Variants in WWC2 observed in about 807,000 individuals in gnomAD.
WWC2 encodes WW and C2 domain containing 2.
WWC2 carries 101 observed loss-of-function variants against 138.5 expected under a neutral mutation model. The ratio of observed to expected loss-of-function variants is 0.73; its 90% CI spans 0.62 to 0.86. The LOEUF (loss-of-function observed/expected upper bound fraction) is 0.86. Ranked by LOEUF, WWC2 falls within the 40% of genes least tolerant of loss-of-function variation. The pLI is 0.00. For synonymous variants in WWC2, 558 were observed against 538.4 expected (o/e 1.04, Z -0.50); for missense variants, 1,420 against 1,419.4 (o/e 1.00, Z -0.01).
intron 4 of WWC2, chr4:183,233,603 TAAAC>T (rs573536947): frequency 6.6e-6 from 1 of 152,170 alleles, no homozygotes; most frequent in Non-Finnish European, 1.5e-5. Context: ...TTATTATTGT[TAAAC>T]AAAAGATTTA....
intron 1 of WWC2, among the ~76,000 whole-genome samples, chr4:183,191,639 C>A (rs1169387838): frequency 6.6e-6 from 1 of 152,162 alleles, no homozygotes; most frequent in Non-Finnish European, 1.5e-5. Context: ...AGCAGAATTA[C>A]CTGGAAAGCA....
chr4:183,111,802 C>T (rs772347765), intron 1 of WWC2, among the ~76,000 whole-genome samples: 5 of 151,742 alleles, frequency 3.3e-5, no homozygotes, highest in Non-Finnish European at 5.9e-5. Context: ...TCAGGTGATC[C>T]TCCCACCTCA....
At position 183,294,013 on chromosome 4, in the gene WWC2, A is replaced by G. The variant is rs527481996; in HGVS notation, c.3384+4378A>G. On this transcript the variant is annotated intron_variant, in intron 21 of 22. Coordinates refer to ENST00000403733, the MANE Select transcript of WWC2 (RefSeq NM_024949.6). ...ATTAAATATTATATCAAATTATACTATGATATAATGTAATTGTATTATAAT... is the reference window on the plus strand; with the variant it reads ...ATTAAATATTATATCAAATTATACTGTGATATAATGTAATTGTATTATAAT... Among the ~76,000 whole-genome samples, 152 of 152,252 alleles carry G rather than the reference A, an allele frequency of 1.0e-3. 1 individual carries two copies. The highest frequency in any genetic ancestry group is 3.6e-3 in the African/African-American group (149 of 41,584).
chr4:183,178,375 T>TATAA (rs1204507075), intron 1 of WWC2, among the ~76,000 whole-genome samples: 23 of 112,910 alleles, frequency 2.0e-4, no homozygotes, highest in Middle Eastern at 9.2e-3. Context: ...ACCCTGTTTC[T>TATAA]ACAAATAAAT....
chr4:183,135,400 C>T (rs1733078260), intron 1 of WWC2, among the ~76,000 whole-genome samples: 1 of 151,752 alleles, frequency 6.6e-6, no homozygotes, highest in Admixed American at 6.6e-5. Context: ...GGTGGCTACC[C>T]TACAAATGAT....
chr4:183,108,564 C>T (rs1732121250), intron 1 of WWC2, among the ~76,000 whole-genome samples: 1 of 151,882 alleles, frequency 6.6e-6, no homozygotes. Flanking sequence ...GGAAAAAGGA[C>T]ATTAGGTGAA....
At chr4:183,235,427 A>G (rs1276397334) in intron 4 of WWC2, among the ~76,000 whole-genome samples, 2 of 152,362 alleles carry the variant, frequency 1.3e-5, no homozygotes, top group East Asian at 3.9e-4. Context: ...CTATAAAAAC[A>G]ATGTTGCACA....
intron 1 of WWC2, among the ~76,000 whole-genome samples, chr4:183,104,880 A>T (rs1044695185): frequency 6.6e-6 from 1 of 152,166 alleles, no homozygotes; most frequent in Non-Finnish European, 1.5e-5. Flanking sequence ...ACTCAGGACA[A>T]TAATTGCTTT....
intron 9 of WWC2, among the ~76,000 whole-genome samples, chr4:183,256,480 C>T (rs539704314): frequency 6.6e-6 from 1 of 152,290 alleles, no homozygotes; most frequent in South Asian, 2.1e-4. Context: ...CCTTTCGTGT[C>T]TTCCTCCTGT....
At chr4:183,314,136 C>G (rs527824899) in intron 22 of WWC2, among the ~76,000 whole-genome samples, 4 of 151,958 alleles carry the variant, frequency 2.6e-5, no homozygotes, top group African/African-American at 7.3e-5. Context: ...TTAGTGGGCT[C>G]ACAGCTCTTT....
chr4:183,198,425 G>A (rs1052518865), intron 2 of WWC2, among the ~76,000 whole-genome samples: 1 of 151,868 alleles, frequency 6.6e-6, no homozygotes, highest in Non-Finnish European at 1.5e-5. Context: ...GGTAGAGATG[G>A]CATCTCTCTG....
intron 1 of WWC2, 61 bp downstream of exon 1, chr4:183,099,683 C>T: frequency 8.5e-7 from 1 of 1,182,094 alleles, no homozygotes; most frequent in Non-Finnish European, 1.1e-6. Context: ...TCCCGGAGAC[C>T]CGGCCGCGCG....
At chr4:183,140,821 T>C (rs1733278969) in intron 1 of WWC2, among the ~76,000 whole-genome samples, 1 of 152,230 alleles carries the variant, frequency 6.6e-6, no homozygotes, top group East Asian at 1.9e-4. Flanking sequence ...ACTGAATTTT[T>C]ACTCTAGGCC....
chr4:183,280,885 C>T lies in WWC2; in HGVS notation c.2672C>T (p.Pro891Leu), dbSNP rs1369142872. The change falls in exon 17 of 23, where the codon CCA becomes CTA. Residue 891 changes from proline to leucine, a missense_variant. Pro to Leu is a moderately conservative substitution (Grantham distance 98). Transcript: ENST00000403733. ...EESGQEEPRG[P>L]DGDWLTMLRE... is the part of the protein sequence containing the mutation. ...TCAGGACAAGAAGAGCCAAGGGGCC[C>T]AGATGGAGACTGGTTAAACACTTAT... 6.4e-7 allele frequency: 1 copy of T among 1,567,134 alleles called. No individual in the cohort carries two copies. The highest frequency in any genetic ancestry group is 8.7e-7 in the Non-Finnish European group (1 of 1,155,466).
intron 21 of WWC2, among the ~76,000 whole-genome samples, chr4:183,294,774 G>A (rs1490638131): frequency 1.3e-5 from 2 of 151,392 alleles, no homozygotes; most frequent in African/African-American, 4.9e-5. Flanking sequence ...TTTTTTTATT[G>A]TCTTTCATTG....
At chr4:183,247,604 G>GCTATATATACTATATATATGCTATATATA (rs1736824588) in intron 6 of WWC2, among the ~76,000 whole-genome samples, 1 of 106,802 alleles carries the variant, frequency 9.4e-6, no homozygotes, top group Non-Finnish European at 1.9e-5. Context: ...TGCTATATAT[G>GCTATATATACTATATATATGCTATATATA]CTATATATAC....
intron 4 of WWC2, among the ~76,000 whole-genome samples, chr4:183,210,279 G>A (rs978412177): frequency 3.9e-5 from 6 of 152,050 alleles, no homozygotes; most frequent in Non-Finnish European, 8.8e-5. Flanking sequence ...CCTCGGGGGT[G>A]GGGCGGAGGT....
chr4:183,249,860 C>T (rs898223141), intron 7 of WWC2, 60 bp from the exon 8 acceptor site: 26 of 1,400,738 alleles, frequency 1.9e-5, no homozygotes, highest in Non-Finnish European at 3.0e-6. Context: ...GAAACAAAAG[C>T]AATTTACTTC....
chr4:183,164,285 TATATATATATATATAC>T (rs1561443587), intron 1 of WWC2, among the ~76,000 whole-genome samples: 1 of 12,746 alleles, frequency 7.8e-5, no homozygotes, highest in African/African-American at 1.6e-4. Flanking sequence ...TATATATATA[TATATATATATATATAC>T]ATATATATAT....
Sources: gnomAD v4.1 joint callset for allele counts (sites outside exome capture counted in the v4.1 genomes callset) on GRCh38, gnomAD v4.1.1 for gene constraint, MANE v1.5 for transcripts, NCBI Gene and HGNC (gene_info 2026-07-23, HGNC 2026-07-21) for gene names.